Variants in BRINP1 observed in about 807,000 individuals in gnomAD.
BRINP1 encodes the protein BMP/retinoic acid-inducible neural-specific protein 1.
A neutral mutation model predicts 72.9 loss-of-function variants in BRINP1; 17 were observed. That is an observed-to-expected ratio of 0.23 (90% CI 0.16 to 0.35). The LOEUF (loss-of-function observed/expected upper bound fraction) is 0.35, where lower values mean the gene tolerates loss of function less well. Ranked by LOEUF, BRINP1 falls within the 10% of genes least tolerant of loss-of-function variation. BRINP1 has a pLI of 1.00. For missense variants in BRINP1, 850 were observed against 1,001.6 expected (o/e 0.85, Z 2.04); for synonymous variants, 418 against 378.5 (o/e 1.10, Z -1.21).
intron 3 of BRINP1, among the ~76,000 whole-genome samples, chr9:119,245,968 A>G (rs1026414828): frequency 1.3e-5 from 2 of 152,206 alleles, no homozygotes; most frequent in Non-Finnish European, 2.9e-5. Context: ...CTGGATTCCC[A>G]AGTTTCTTAG....
At chr9:119,226,276 C>T (rs765214741) in intron 5 of BRINP1, among the ~76,000 whole-genome samples, 1 of 151,958 alleles carries the variant, frequency 6.6e-6, no homozygotes. Flanking sequence ...TCATGGGTAA[C>T]TTATTTAGGT....
intron 2 of BRINP1, among the ~76,000 whole-genome samples, chr9:119,280,248 T>C (rs1381435228): frequency 6.6e-6 from 1 of 150,722 alleles, no homozygotes; most frequent in African/African-American, 2.4e-5. Flanking sequence ...TTTTTTTTCT[T>C]TTTTTTTTAA....
intron 2 of BRINP1, among the ~76,000 whole-genome samples, chr9:119,303,681 G>C (rs2118986268): frequency 6.6e-6 from 1 of 151,994 alleles, no homozygotes; most frequent in Middle Eastern, 3.4e-3. Flanking sequence ...TATAAGAATG[G>C]AGCAAATGCT....
intron 7 of BRINP1, among the ~76,000 whole-genome samples, chr9:119,183,552 C>T (rs920196873): frequency 6.6e-6 from 1 of 152,260 alleles, no homozygotes; most frequent in South Asian, 2.1e-4. Flanking sequence ...GCTGGTCATA[C>T]GTGTGAATTC....
At chr9:119,364,405 C>T (rs1831669199) in intron 1 of BRINP1, among the ~76,000 whole-genome samples, 1 of 152,106 alleles carries the variant, frequency 6.6e-6, no homozygotes, top group African/African-American at 2.4e-5. Context: ...ATTGGCATTA[C>T]AAAAAGGACT....
At chr9:119,299,582 G>A (rs1443100075) in intron 2 of BRINP1, among the ~76,000 whole-genome samples, 7 of 148,664 alleles carry the variant, frequency 4.7e-5, no homozygotes, top group African/African-American at 5.0e-5. Context: ...CATTGCACTC[G>A]AGCATGGGTG....
intron 1 of BRINP1, among the ~76,000 whole-genome samples, chr9:119,367,721 C>G (rs974923662): frequency 7.2e-5 from 11 of 152,196 alleles, no homozygotes; most frequent in African/African-American, 2.7e-4. Flanking sequence ...AGGTGCAAAC[C>G]GACAGCAGTT....
intron 1 of BRINP1, among the ~76,000 whole-genome samples, chr9:119,361,581 T>G (rs994702265): frequency 6.6e-6 from 1 of 152,096 alleles, no homozygotes; most frequent in Admixed American, 6.6e-5. Context: ...CTCTCTCTGC[T>G]TTTACAAGAA....
At chr9:119,206,869 C>T (rs766804442) in intron 7 of BRINP1, among the ~76,000 whole-genome samples, 1 of 152,190 alleles carries the variant, frequency 6.6e-6, no homozygotes, top group Non-Finnish European at 1.5e-5. Flanking sequence ...ATCTGTTGTG[C>T]TCGACAAGAA....
At chr9:119,175,171 G>A (rs933099466) in intron 7 of BRINP1, among the ~76,000 whole-genome samples, 29 of 150,058 alleles carry the variant, frequency 1.9e-4, no homozygotes, top group South Asian at 4.2e-4. Flanking sequence ...TATACACCAC[G>A]GAATACTATG....
chr9:119,353,231 A>G (rs1831522991), intron 1 of BRINP1, among the ~76,000 whole-genome samples: 1 of 152,140 alleles, frequency 6.6e-6, no homozygotes, highest in Non-Finnish European at 1.5e-5. Flanking sequence ...AGCTTGAATG[A>G]GCTGATCAAA....
intron 2 of BRINP1, among the ~76,000 whole-genome samples, chr9:119,303,919 A>T (rs1830967121): frequency 6.9e-6 from 1 of 145,884 alleles, no homozygotes. Flanking sequence ...TCACTCTATC[A>T]CCCAGGCTGG....
chr9:119,324,833 C>T (rs1470659405), intron 1 of BRINP1, among the ~76,000 whole-genome samples: 1 of 152,184 alleles, frequency 6.6e-6, no homozygotes, highest in Non-Finnish European at 1.5e-5. Context: ...GGCACAGTGG[C>T]TCATGTCTGT....
chr9:119,273,261 T>A (rs557569642), intron 2 of BRINP1, among the ~76,000 whole-genome samples: 3 of 152,324 alleles, frequency 2.0e-5, no homozygotes, highest in Admixed American at 2.0e-4. Context: ...GGATTCTCCA[T>A]CTGTACAATC....
chr9:119,225,838 T>C (rs949188942), intron 5 of BRINP1, among the ~76,000 whole-genome samples: 1 of 152,060 alleles, frequency 6.6e-6, no homozygotes, highest in Non-Finnish European at 1.5e-5. Context: ...TGTTGCTAAA[T>C]TTAACACTTA....
At chr9:119,240,322 C>T (rs1830234588) in intron 4 of BRINP1, among the ~76,000 whole-genome samples, 1 of 152,056 alleles carries the variant, frequency 6.6e-6, no homozygotes, top group African/African-American at 2.4e-5. Flanking sequence ...AAGTTTTAGA[C>T]AGCTTGGTCT....
At chr9:119,365,312 C>T (rs1031215528) in intron 1 of BRINP1, among the ~76,000 whole-genome samples, 2 of 152,128 alleles carry the variant, frequency 1.3e-5, no homozygotes, top group Non-Finnish European at 2.9e-5. Flanking sequence ...ATAATCTTTG[C>T]AGAAGGGAGC....
At chr9:119,276,896 G>A (rs924239137) in intron 2 of BRINP1, among the ~76,000 whole-genome samples, 1 of 152,106 alleles carries the variant, frequency 6.6e-6, no homozygotes, top group Admixed American at 6.5e-5. Context: ...ACAGTTCCAT[G>A]AGTTTTGACA....
rs1457954757 is a variant in BRINP1, at chr9:119,242,027, AAT to A, written c.579+18_579+19del. ...TGTTGTATTGAGAACCTGTCGCCCA[AAT>A]CCACCCCGGAGCTGTACCTTGATTG... On this transcript the variant is annotated intron_variant, in intron 4 of 7. Transcript: ENST00000265922. The A allele has an allele frequency of 6.2e-6, 10 of 1,609,372 alleles. No individual in the cohort carries two copies. The African/African-American group carries it at 1.2e-4, about 19-fold the overall frequency.
Sources: gnomAD v4.1 joint callset for allele counts (sites outside exome capture counted in the v4.1 genomes callset) on GRCh38, gnomAD v4.1.1 for gene constraint, MANE v1.5 for transcripts, NCBI Gene and HGNC (gene_info 2026-07-23, HGNC 2026-07-21) for gene names.